The following CES4A variants were observed in gnomAD, a reference collection of about 807,000 sequenced individuals.
CES4A encodes carboxylesterase 6.
CES4A carries 48 observed loss-of-function variants against 65.4 expected under a neutral mutation model. The observed-to-expected ratio is 0.73, with a 90% CI of 0.58 to 0.93. The LOEUF is 0.93. Among genes scored for constraint, CES4A ranks in the 40% least tolerant of loss-of-function variants. The pLI is 0.00. For synonymous variants in CES4A, 247 were observed against 281.8 expected, an observed-to-expected ratio of 0.88 and a Z score of 1.24; for missense variants, 685 against 728.5, an observed-to-expected ratio of 0.94 and a Z score of 0.69.
chr16:67,001,087 G>T lies in CES4A; in HGVS notation c.536+97G>T, dbSNP rs1297259116. The T allele has an allele frequency of 3.6e-6, 4 of 1,103,202 alleles. No homozygotes were observed. Among genetic ancestry groups the T allele is most frequent in the Admixed American group, 2.8e-5 (1 of 36,236 alleles). The allele number at this position is 1,103,202 out of a possible 1,614,324, so 68.3% of individuals were successfully genotyped here. On this transcript the variant is annotated intron_variant, in intron 4 of 13. Coordinates refer to ENST00000648724, the Ensembl canonical transcript of CES4A. The surrounding 1 kb of genome is among the most constrained non-coding windows in gnomAD (Gnocchi z 4.1). ...CGGGGCCTGGGGCGGGGATGGGGGG[G>T]GTGGGGCCGCGAGGCGGGGGCGGGG...
At position 67,001,300 on chromosome 16, in the gene CES4A, A is replaced by G. The variant is rs1965327641; in HGVS notation, c.537-8A>G. ...CCGGGACCCTGACAGTGAACCCCAC[A>G]CGCCCAGCACGGACGACAGCCACGC... On this transcript the variant is annotated splice_polypyrimidine_tract_variant and splice_region_variant and intron_variant, in intron 4 of 13. Transcript: ENST00000648724. The surrounding 1 kb of genome is among the most constrained non-coding windows in gnomAD (Gnocchi z 4.1). The G allele has an allele frequency of 6.3e-7, 1 of 1,592,724 alleles. No individual in the cohort carries two copies. The highest frequency in any genetic ancestry group is 1.3e-5 in the African/African-American group (1 of 74,600).
At chr16:66,997,125 C>T (rs1392839656) in intron 2 of CES4A, among the ~76,000 whole-genome samples, 1 of 151,004 alleles carries the variant, frequency 6.6e-6, no homozygotes, top group African/African-American at 2.4e-5. Context: ...TACTAAAATA[C>T]CAGAACGTTC....
intron 1 of CES4A, among the ~76,000 whole-genome samples, chr16:66,990,425 G>T (rs1204851835): frequency 6.6e-6 from 1 of 152,082 alleles, no homozygotes; most frequent in Non-Finnish European, 1.5e-5. Context: ...AGCCAAATGG[G>T]GTGGCTCATG....
At position 67,006,873 on chromosome 16, in the gene CES4A, A is replaced by G. The variant is rs1011860308; in HGVS notation, c.1517+56A>G. 2.6e-6 allele frequency: 4 copies of G among 1,524,254 alleles called. No individual in the cohort carries two copies. In the African/African-American group the frequency reaches 4.1e-5, roughly 16 times the overall value. 94.4% of individuals were successfully genotyped at this position (1,524,254 alleles called of 1,614,324 possible). On this transcript the variant is annotated intron_variant, in intron 13 of 13. Transcript: ENST00000648724. ...TCTACCTGCCCAGTGCTGGACCTGAAGAAGCCAGCTGCTTCGGATATTTGC... is the reference window on the plus strand; with the variant it reads ...TCTACCTGCCCAGTGCTGGACCTGAGGAAGCCAGCTGCTTCGGATATTTGC...
At position 66,995,652 on chromosome 16, in the gene CES4A, A is replaced by G; in HGVS notation, c.83A>G (p.Gln28Arg). ...GGTGCCTTGCACACCAAGAGGCCTC[A>G]AGTGGTCACCAAATATGGAACCCTG... The change falls in exon 2 of 14, where the codon CAA becomes CGA. Residue 28 changes from glutamine (Q) to arginine (R), a missense_variant. Gln to Arg is a conservative substitution (Grantham distance 43). Transcript: ENST00000648724. 1 of 1,614,186 alleles carries G rather than the reference A, an allele frequency of 6.2e-7. No individual in the cohort carries two copies.
intron 1 of CES4A, among the ~76,000 whole-genome samples, chr16:66,995,047 C>T (rs35953074): frequency 3.3e-5 from 5 of 149,572 alleles, no homozygotes; most frequent in South Asian, 2.1e-4. Flanking sequence ...CGTGGTGGCT[C>T]ACACCTGTAA....
chr16:66,993,597 G>A (rs1017671675), intron 1 of CES4A, among the ~76,000 whole-genome samples: 3 of 151,972 alleles, frequency 2.0e-5, no homozygotes, highest in Admixed American at 2.0e-4. Context: ...GCCCACCTCG[G>A]CCTCCCAAAG....
At chr16:67,005,848 C>CA (rs910095727) in intron 11 of CES4A, 761 of 156,544 alleles carry the variant, frequency 4.9e-3, no homozygotes, top group South Asian at 8.3e-3. Flanking sequence ...GACTCCATCT[C>CA]AAAAAAAAAA....
At chr16:66,996,234 A>G in intron 2 of CES4A, 1 of 355,438 alleles carries the variant, frequency 2.8e-6, no homozygotes, top group South Asian at 2.1e-5. Flanking sequence ...ACAGGGTTTC[A>G]TTATGTTGGC....
intron 1 of CES4A, among the ~76,000 whole-genome samples, chr16:66,989,172 C>G (rs1425255315): frequency 6.6e-6 from 1 of 152,132 alleles, no homozygotes; most frequent in African/African-American, 2.4e-5. Flanking sequence ...TCTGCCCCCT[C>G]TCTGCTACAT....
intron 5 of CES4A, among the ~76,000 whole-genome samples, chr16:67,002,592 G>C (rs1162068908): frequency 1.1e-4 from 17 of 152,008 alleles, no homozygotes; most frequent in Admixed American, 1.1e-3. Context: ...GATGGTATGG[G>C]GTAAGGAATG....
chr16:66,994,606 C>T (rs1459777516), intron 1 of CES4A, among the ~76,000 whole-genome samples: 1 of 151,462 alleles, frequency 6.6e-6, no homozygotes, highest in Non-Finnish European at 1.5e-5. Context: ...CTTTGGGAGG[C>T]CAAGGCGGGC....
intron 2 of CES4A, among the ~76,000 whole-genome samples, chr16:66,997,996 C>T (rs1964994051): frequency 7.7e-6 from 1 of 129,996 alleles, no homozygotes. Flanking sequence ...CACACACACA[C>T]ACAGTTCCTT....
rs1246627056 is a variant in CES4A at position 67,000,522 on chromosome 16, C to T, written c.261-116C>T. On this transcript the variant is annotated intron_variant, in intron 2 of 13. Transcript: ENST00000648724. This position sits in a 1 kb window ranked among gnomAD's most constrained non-coding sequence, Gnocchi z 4.2. ...ACACGCACACGCACGCACATGCGCA[C>T]GCACACGCACGCGCACAGACGCTGC... is the stretch of plus-strand genomic sequence containing the variant. The T allele has an allele frequency of 2.7e-6, 4 of 1,455,934 alleles. No homozygotes were observed. Among genetic ancestry groups the T allele is most frequent in the Non-Finnish European group, 3.6e-6 (4 of 1,101,918 alleles). The allele number at this position is 1,455,934 out of a possible 1,614,324, so 90.2% of individuals were successfully genotyped here.
At position 67,001,163 on chromosome 16, in the gene CES4A, A is replaced by G. The variant is rs560470036; in HGVS notation, c.537-145A>G. On this transcript the variant is annotated intron_variant, in intron 4 of 13. Transcript: ENST00000648724. The surrounding 1 kb of genome is among the most constrained non-coding windows in gnomAD (Gnocchi z 4.1). ...CGCTCCATACCATCTGGATGGGGCG[A>G]GCTAACTCCAAGGAAGGGGGTGTGG... 31 of 1,356,550 alleles carry G rather than the reference A, an allele frequency of 2.3e-5. No homozygotes were observed. The African/African-American group carries it at 4.0e-4, about 18-fold the overall frequency. The allele number at this position is 1,356,550 out of a possible 1,614,324, so 84.0% of individuals were successfully genotyped here. A position where few individuals can be genotyped will look rare whatever the true frequency, so the allele number is the denominator to read the frequency against.
intron 2 of CES4A, among the ~76,000 whole-genome samples, chr16:66,999,069 T>C (rs768110354): frequency 6.6e-6 from 1 of 152,212 alleles, no homozygotes; most frequent in Non-Finnish European, 1.5e-5. Context: ...AGCCCTGGCT[T>C]TCCTGGTGAG....
At chr16:66,988,910 C>T in intron 1 of CES4A, 80 bp downstream of exon 1, 1 of 1,468,740 alleles carries the variant, frequency 6.8e-7, no homozygotes, top group South Asian at 1.4e-5. Context: ...TTCAACCTCT[C>T]CTGGGGACAG....
At position 67,001,419 on chromosome 16, in the gene CES4A, C is replaced by T. The variant is rs371706752; in HGVS notation, c.648C>T (p.Thr216=). 7 of 1,613,072 alleles carry T rather than the reference C, an allele frequency of 4.3e-6. No individual in the cohort carries two copies. Among genetic ancestry groups the T allele is most frequent in the Admixed American group, 1.7e-5 (1 of 59,920 alleles). ...TCGGGGGAGACCCAGGAAATGTGAC[C>T]CTGTTCGGCCAGTCGGCGGGGGCCA... is the stretch of plus-strand genomic sequence containing the variant. Residue 216 remains threonine (T), a synonymous_variant, in exon 5 of 14, where the codon ACC becomes ACT. Coordinates refer to ENST00000648724, the Ensembl canonical transcript of CES4A. This position sits in a 1 kb window ranked among gnomAD's most constrained non-coding sequence, Gnocchi z 4.1.
rs1965760284 is a variant in CES4A, at chr16:67,006,390, G to A, written c.1316-1G>A. The A allele has an allele frequency of 6.5e-7, 1 of 1,536,640 alleles. No individual in the cohort carries two copies. The highest frequency in any genetic ancestry group is 8.7e-7 in the Non-Finnish European group (1 of 1,147,020). On this transcript the variant is annotated splice_acceptor_variant, in intron 11 of 13. Transcript: ENST00000648724. LOFTEE classifies it high-confidence loss of function. ...TCCCTCCTCAGTTTCCCTATTCACA[G>A]ATGCCGGCCTCCCTGTCTACCTGTA... is the stretch of plus-strand genomic sequence containing the variant.
Sources: allele counts gnomAD v4.1 joint callset (sites outside exome capture counted in the v4.1 genomes callset), GRCh38; gene constraint gnomAD v4.1.1; non-coding constraint Gnocchi (gnomAD v3.1); transcripts MANE v1.5; gene names NCBI Gene and HGNC (gene_info 2026-07-23, HGNC 2026-07-21).